WWC2: variants seen among roughly 807,000 people sequenced by gnomAD.
The protein encoded by WWC2 is protein WWC2.
A neutral mutation model predicts 138.5 loss-of-function variants in WWC2; 101 were observed. The observed-to-expected ratio is 0.73, with a 90% CI of 0.62 to 0.86. The LOEUF (loss-of-function observed/expected upper bound fraction) is 0.86. WWC2 is among the 40% of genes least tolerant of loss of function. The pLI is 0.00. For missense variants in WWC2, 1,420 were observed against 1,419.4 expected (o/e 1.00, Z -0.01); for synonymous variants, 558 against 538.4 (o/e 1.04, Z -0.50).
intron 14 of WWC2, 109 bp downstream of exon 14, chr4:183,266,060 A>G: frequency 2.0e-6 from 2 of 1,004,494 alleles, no homozygotes; most frequent in Non-Finnish European, 1.5e-6. Flanking sequence ...GAAAAGACAT[A>G]GCAGGGCTGA....
intron 1 of WWC2, among the ~76,000 whole-genome samples, chr4:183,151,009 G>T (rs904024688): frequency 6.6e-5 from 10 of 152,136 alleles, no homozygotes; most frequent in Admixed American, 6.5e-4. Context: ...ACGTGTGCAT[G>T]TGTCTTTATA....
In WWC2 at chr4:183,259,733, GC is replaced by G. The variant is rs776427042; in HGVS notation, c.1286+6del. On this transcript the variant is annotated splice_donor_region_variant and intron_variant, in intron 10 of 22. Transcript: ENST00000403733. ...TTTGCATTCACAACTTAAAAGGTGA[GC>G]TTATCAGATTTTTGAGGGGAAAGCT... 3.5e-5 allele frequency: 54 copies of G among 1,532,904 alleles called. No individual in the cohort carries two copies. The highest frequency in any genetic ancestry group is 4.5e-5 in the Non-Finnish European group (51 of 1,136,674). 95.0% of individuals were successfully genotyped at this position (1,532,904 alleles called of 1,614,324 possible).
chr4:183,144,031 A>G (rs1733379650), intron 1 of WWC2, among the ~76,000 whole-genome samples: 2 of 152,378 alleles, frequency 1.3e-5, no homozygotes, highest in South Asian at 4.1e-4. Flanking sequence ...GATAACAGAT[A>G]CAGAGAAATA....
At chr4:183,118,809 G>A (rs541928245) in intron 1 of WWC2, among the ~76,000 whole-genome samples, 11 of 152,266 alleles carry the variant, frequency 7.2e-5, no homozygotes, top group South Asian at 4.1e-4. Flanking sequence ...GTAGCCAAGC[G>A]TTGAGTCCTT....
intron 1 of WWC2, among the ~76,000 whole-genome samples, chr4:183,118,280 G>A (rs957268644): frequency 3.3e-5 from 5 of 152,194 alleles, no homozygotes; most frequent in Non-Finnish European, 7.3e-5. Context: ...GCATGTTTTT[G>A]TTGGATTTAC....
At chr4:183,293,170 GT>G (rs1233177969) in intron 21 of WWC2, among the ~76,000 whole-genome samples, 2 of 152,138 alleles carry the variant, frequency 1.3e-5, no homozygotes, top group Non-Finnish European at 2.9e-5. Context: ...GGCCAGACTG[GT>G]CTCAAACTCC....
At chr4:183,199,198 C>A (rs888814082) in intron 2 of WWC2, among the ~76,000 whole-genome samples, 2 of 152,132 alleles carry the variant, frequency 1.3e-5, no homozygotes, top group Non-Finnish European at 2.9e-5. Context: ...GAAAGACATG[C>A]AGGAAATTCA....
intron 1 of WWC2, among the ~76,000 whole-genome samples, chr4:183,179,927 A>G (rs983233828): frequency 3.3e-5 from 5 of 152,232 alleles, no homozygotes; most frequent in South Asian, 2.1e-4. Flanking sequence ...AGAGAAGTCA[A>G]CTAAAAAATG....
intron 2 of WWC2, among the ~76,000 whole-genome samples, chr4:183,199,307 T>C (rs551283223): frequency 1.3e-5 from 2 of 151,840 alleles, no homozygotes; most frequent in Non-Finnish European, 2.9e-5. Context: ...AAGCCCTCTT[T>C]AATTAAGCCT....
chr4:183,310,965 C>T (rs1739193647), intron 21 of WWC2, among the ~76,000 whole-genome samples: 1 of 151,190 alleles, frequency 6.6e-6, no homozygotes, highest in South Asian at 2.1e-4. Flanking sequence ...GAAATAAGTA[C>T]TTATTCCCAG....
At chr4:183,164,300 AC>A (rs1476167322) in intron 1 of WWC2, among the ~76,000 whole-genome samples, 7 of 2,748 alleles carry the variant, frequency 2.5e-3, no homozygotes, top group African/African-American at 7.1e-3. Flanking sequence ...ATATATATAT[AC>A]ATATATATAT....
rs569492054 is a variant in WWC2 at position 183,260,738 on chromosome 4, C to G, written c.1287-172C>G. ...AACCATGCATTTCTCAGAACTAGAC[C>G]AGGTCGTTAACTGACACACGGCCGT... is the stretch of plus-strand genomic sequence containing the variant. On this transcript the variant is annotated intron_variant, in intron 10 of 22. Transcript: ENST00000403733. Among the ~76,000 whole-genome samples the G allele has an allele frequency of 3.3e-5, 5 of 152,278 alleles. No homozygotes were observed. The South Asian group carries it at 8.3e-4, about 25-fold the overall frequency.
chr4:183,294,404 A>G (rs1484936078), intron 21 of WWC2, among the ~76,000 whole-genome samples: 2 of 152,264 alleles, frequency 1.3e-5, no homozygotes, highest in African/African-American at 4.8e-5. Flanking sequence ...AACTGCTAAA[A>G]TAGTGGGAAT....
chr4:183,108,689 C>T (rs1426960463), intron 1 of WWC2, among the ~76,000 whole-genome samples: 1 of 152,034 alleles, frequency 6.6e-6, no homozygotes, highest in African/African-American at 2.4e-5. Context: ...CGGCTCACTG[C>T]AGCCTCAGCC....
intron 1 of WWC2, among the ~76,000 whole-genome samples, chr4:183,174,817 C>G (rs1250652434): frequency 2.0e-5 from 3 of 152,032 alleles, no homozygotes; most frequent in Non-Finnish European, 2.9e-5. Context: ...CTCTGTCTCT[C>G]TCTCTTTTGC....
At chr4:183,187,844 G>A (rs1366295705) in intron 1 of WWC2, among the ~76,000 whole-genome samples, 2 of 151,788 alleles carry the variant, frequency 1.3e-5, no homozygotes, top group Non-Finnish European at 2.9e-5. Context: ...TTGCACTCCA[G>A]CCTGGGCAAC....
At chr4:183,211,679 G>A (rs1735602058) in intron 4 of WWC2, among the ~76,000 whole-genome samples, 1 of 152,112 alleles carries the variant, frequency 6.6e-6, no homozygotes, top group Non-Finnish European at 1.5e-5. Context: ...CCTTAGCTCT[G>A]TGCAGCTGCC....
intron 1 of WWC2, among the ~76,000 whole-genome samples, chr4:183,179,885 G>A (rs986906139): frequency 1.1e-4 from 16 of 152,134 alleles, no homozygotes; most frequent in African/African-American, 3.9e-4. Context: ...ATGCAGAGAT[G>A]AAACAACCGC....
intron 18 of WWC2, among the ~76,000 whole-genome samples, chr4:183,283,601 A>T (rs1738150487): frequency 6.6e-6 from 1 of 152,244 alleles, no homozygotes; most frequent in Admixed American, 6.5e-5. Flanking sequence ...CCTATAAGAT[A>T]AAAAATAGAC....
Sources: gnomAD v4.1 joint callset for allele counts (sites outside exome capture counted in the v4.1 genomes callset) on GRCh38, gnomAD v4.1.1 for gene constraint, MANE v1.5 for transcripts, NCBI Gene and HGNC (gene_info 2026-07-23, HGNC 2026-07-21) for gene names.